Variants in ZBTB20 observed in about 807,000 individuals in gnomAD.
ZBTB20 encodes the protein zinc finger and BTB domain containing 20, also known as zinc finger and BTB domain-containing protein 20.
In ZBTB20, 9 loss-of-function variants were observed where a neutral mutation model predicts 56.9. The ratio of observed to expected loss-of-function variants is 0.16; its 90% CI spans 0.10 to 0.28. ZBTB20 has a LOEUF of 0.28. Among genes scored for constraint, ZBTB20 ranks in the 10% least tolerant of loss-of-function variants. ZBTB20 has a pLI of 1.00. For missense variants in ZBTB20, 655 were observed against 1,003.0 expected (o/e 0.65, Z 4.69); for synonymous variants, 417 against 420.7 (o/e 0.99, Z 0.11).
At chr3:114,452,938 A>G (rs2091724320) in intron 7 of ZBTB20, among the ~76,000 whole-genome samples, 1 of 130,254 alleles carries the variant, frequency 7.7e-6, no homozygotes. Context: ...CTAAGTGACA[A>G]TCAACATATA....
intron 1 of ZBTB20, among the ~76,000 whole-genome samples, chr3:115,127,705 A>T (rs2084373506): frequency 6.6e-6 from 1 of 152,210 alleles, no homozygotes; most frequent in Admixed American, 6.5e-5. Context: ...AGAGACTTGA[A>T]GGAGAAATCA....
intron 10 of ZBTB20, among the ~76,000 whole-genome samples, chr3:114,366,371 C>T (rs986920402): frequency 2.0e-5 from 3 of 151,604 alleles, no homozygotes; most frequent in Non-Finnish European, 4.4e-5. Context: ...CAGATTGCAA[C>T]TGCTATCATT....
intron 7 of ZBTB20, among the ~76,000 whole-genome samples, chr3:114,456,998 CA>C (rs1476098195): frequency 6.6e-6 from 1 of 152,256 alleles, no homozygotes; most frequent in African/African-American, 2.4e-5. Context: ...ACCTCTTTAA[CA>C]ATGGCTGCTA....
At chr3:114,385,338 G>A (rs1365179587) in intron 8 of ZBTB20, among the ~76,000 whole-genome samples, 3 of 152,064 alleles carry the variant, frequency 2.0e-5, no homozygotes, top group Admixed American at 1.3e-4. Flanking sequence ...GCGGAACTGC[G>A]CTCCACTACC....
At chr3:114,825,071 T>A (rs2073453741) in intron 4 of ZBTB20, among the ~76,000 whole-genome samples, 1 of 151,916 alleles carries the variant, frequency 6.6e-6, no homozygotes. Flanking sequence ...GAGATTCAAG[T>A]TGGCTCCTCT....
intron 6 of ZBTB20, among the ~76,000 whole-genome samples, chr3:114,577,889 G>C (rs1438830286): frequency 6.6e-6 from 1 of 152,144 alleles, no homozygotes; most frequent in African/African-American, 2.4e-5. Context: ...CCTAGTTAGG[G>C]ACATGTGAAC....
At chr3:115,107,956 G>C (rs1226894882) in intron 1 of ZBTB20, among the ~76,000 whole-genome samples, 2 of 152,158 alleles carry the variant, frequency 1.3e-5, no homozygotes, top group South Asian at 4.1e-4. Flanking sequence ...TGGACACAGG[G>C]AGAGGAACGA....
intron 6 of ZBTB20, among the ~76,000 whole-genome samples, chr3:114,678,289 T>C (rs2061753116): frequency 6.6e-6 from 1 of 152,174 alleles, no homozygotes; most frequent in African/African-American, 2.4e-5. Context: ...AATATCAGCA[T>C]CACTCTGAAA....
intron 6 of ZBTB20, among the ~76,000 whole-genome samples, chr3:114,506,795 C>T (rs2109752357): frequency 6.6e-6 from 1 of 152,254 alleles, no homozygotes; most frequent in East Asian, 1.9e-4. Context: ...ACAATCTGGC[C>T]CCGGCCCACC....
intron 2 of ZBTB20, among the ~76,000 whole-genome samples, chr3:115,021,454 T>TA (rs1373567712): frequency 1.3e-5 from 2 of 150,910 alleles, no homozygotes; most frequent in African/African-American, 2.4e-5. Flanking sequence ...AGAAAGTTTG[T>TA]AAAAAAACTA....
chr3:114,677,518 T>C (rs2061698340), intron 6 of ZBTB20, among the ~76,000 whole-genome samples: 2 of 152,146 alleles, frequency 1.3e-5, no homozygotes, highest in Admixed American at 1.3e-4. Context: ...TATGAGAATC[T>C]AATGCCTGAT....
intron 6 of ZBTB20, among the ~76,000 whole-genome samples, chr3:114,647,301 T>C (rs780238842): frequency 3.0e-4 from 46 of 152,202 alleles, no homozygotes; most frequent in Non-Finnish European, 5.3e-4. Flanking sequence ...TTTCACATTG[T>C]TCCTCTTGGG....
At chr3:114,854,671 T>C (rs2075157832) in intron 4 of ZBTB20, among the ~76,000 whole-genome samples, 1 of 152,224 alleles carries the variant, frequency 6.6e-6, no homozygotes, top group South Asian at 2.1e-4. Flanking sequence ...ATCCATAAAA[T>C]GAATTTAATC....
At chr3:114,813,300 T>G (rs148232355) in intron 4 of ZBTB20, among the ~76,000 whole-genome samples, 1,758 of 149,364 alleles carry the variant, frequency 0.012, 16 homozygotes, top group South Asian at 0.042. Flanking sequence ...TACATTAGAG[T>G]GGATTCAAAA....
At chr3:114,792,753 C>T (rs898186580) in intron 5 of ZBTB20, among the ~76,000 whole-genome samples, 5 of 152,150 alleles carry the variant, frequency 3.3e-5, no homozygotes, top group Admixed American at 6.6e-5. Flanking sequence ...CAACCCCCGT[C>T]CATCTCTCTG....
intron 5 of ZBTB20, among the ~76,000 whole-genome samples, chr3:114,770,545 A>G (rs908486694): frequency 1.3e-5 from 2 of 152,080 alleles, no homozygotes; most frequent in African/African-American, 4.8e-5. Context: ...GTAGTAATAT[A>G]TGATAAGCAC....
intron 7 of ZBTB20, among the ~76,000 whole-genome samples, chr3:114,409,125 C>CTTTTTT (rs56339103): frequency 1.4e-5 from 1 of 71,988 alleles, no homozygotes; most frequent in Non-Finnish European, 2.5e-5. Flanking sequence ...AAAGGGAAGA[C>CTTTTTT]TTTTTTTTTT....
Position 114,794,542 on chromosome 3 carries a change from A to G in ZBTB20, c.-343+6559T>C, listed in dbSNP as rs543804548. 3.3e-5 allele frequency among the ~76,000 whole-genome samples: 5 copies of G among 152,262 alleles called. No homozygotes were observed. The South Asian group carries it at 8.3e-4, about 25-fold the overall frequency. ...AAGAGGTTAGAATAAATAATTCCTA[A>G]GATTCCCTGTCGCTATAACATTTTC... is the stretch of plus-strand genomic sequence containing the variant. On this transcript the variant is annotated intron_variant, in intron 5 of 11. Coordinates refer to ENST00000675478, the MANE Select transcript of ZBTB20 (RefSeq NM_001348800.3).
At chr3:114,748,349 C>T (rs1373709745) in intron 5 of ZBTB20, among the ~76,000 whole-genome samples, 259 of 18,410 alleles carry the variant, frequency 0.014, 1 homozygote, top group Admixed American at 0.025. Flanking sequence ...TTCTTTCTTT[C>T]TTTTCTCTCT....
Sources: gnomAD v4.1 joint callset for allele counts (sites outside exome capture counted in the v4.1 genomes callset) on GRCh38, gnomAD v4.1.1 for gene constraint, MANE v1.5 for transcripts, NCBI Gene and HGNC (gene_info 2026-07-23, HGNC 2026-07-21) for gene names.